The following RASL10B variants were observed in gnomAD, a reference collection of about 807,000 sequenced individuals.
The protein encoded by RASL10B is ras-like protein family member 10B.
A neutral mutation model predicts 20.7 loss-of-function variants in RASL10B; 10 were observed. The ratio of observed to expected loss-of-function variants is 0.48; its 90% confidence interval spans 0.30 to 0.82. The LOEUF is 0.82. Ranked by LOEUF, RASL10B falls within the 40% of genes least tolerant of loss-of-function variation. The pLI is 0.07. For synonymous variants in RASL10B, 110 were observed against 123.3 expected, an observed-to-expected ratio of 0.89 and a Z score of 0.72; for missense variants, 231 against 295.4, an observed-to-expected ratio of 0.78 and a Z score of 1.60.
At chr17:35,733,441 T>C (rs1189187499) in intron 1 of RASL10B, among the ~76,000 whole-genome samples, 1 of 152,234 alleles carries the variant, frequency 6.6e-6, no homozygotes, top group Non-Finnish European at 1.5e-5. Flanking sequence ...CATCCTGACC[T>C]GTATTTACTA....
intron 1 of RASL10B, among the ~76,000 whole-genome samples, chr17:35,734,736 G>A (rs2143019452): frequency 6.6e-6 from 1 of 152,284 alleles, no homozygotes; most frequent in Non-Finnish European, 1.5e-5. Flanking sequence ...CAGGCTCTGT[G>A]GGGAAGCTGG....
At position 35,735,176 on chromosome 17, in the gene RASL10B, G is replaced by T. The variant is rs587762604; in HGVS notation, c.-9G>T. ...GGCAAGGACGAGGTGGCGGAGTGGG[G>T]CGGGAGGCATGGTCTCCACCTACCG... On this transcript the variant is annotated 5_prime_UTR_variant, in exon 2 of 4. Transcript: ENST00000603017. The surrounding 1 kb of genome is among the most constrained non-coding windows in gnomAD (Gnocchi z 6.7). 48 of 1,605,552 alleles carry T rather than the reference G, an allele frequency of 3.0e-5. 3 individuals are homozygous for T. In the South Asian group the frequency reaches 4.3e-4, roughly 14 times the overall value.
At chr17:35,736,028 C>G (rs1488895968) in intron 2 of RASL10B, among the ~76,000 whole-genome samples, 2 of 152,140 alleles carry the variant, frequency 1.3e-5, no homozygotes, top group Non-Finnish European at 2.9e-5. Context: ...GGTCTCTTGC[C>G]CAAGGCCCTC....
chr17:35,733,505 G>A lies in RASL10B; in HGVS notation c.-147-1533G>A, dbSNP rs587750938. Among the ~76,000 whole-genome samples the A allele has an allele frequency of 3.3e-5, 5 of 152,318 alleles. No homozygotes were observed. The East Asian group carries it at 5.8e-4, about 18-fold the overall frequency. ...GAGTCCTCTGAACCAGGACAACCTG[G>A]GGGACATTCAGCTGTGGCTTGTGCA... On this transcript the variant is annotated intron_variant, in intron 1 of 3. Transcript: ENST00000603017.
intron 1 of RASL10B, among the ~76,000 whole-genome samples, chr17:35,732,116 AT>A (rs2085561928): frequency 6.6e-6 from 1 of 151,482 alleles, no homozygotes; most frequent in African/African-American, 2.4e-5. Flanking sequence ...GGGCTTCTAC[AT>A]CCCCCCAAAC....
chr17:35,734,343 C>T (rs1205415939), intron 1 of RASL10B, among the ~76,000 whole-genome samples: 4 of 152,194 alleles, frequency 2.6e-5, no homozygotes, highest in African/African-American at 9.7e-5. Context: ...CTTCTTACTC[C>T]TTCTAAGCTT....
intron 2 of RASL10B, chr17:35,736,950 C>G (rs186737571): frequency 6.6e-6 from 1 of 152,076 alleles, no homozygotes; most frequent in African/African-American, 2.4e-5. Flanking sequence ...GATGGGGTTT[C>G]ACCATGTTGG....
chr17:35,742,220 G>A lies in RASL10B; in HGVS notation c.*915G>A, dbSNP rs2085634120. 2.0e-5 allele frequency: 3 copies of A among 152,226 alleles called. No homozygotes were observed. Among genetic ancestry groups the A allele is most frequent in the Non-Finnish European group, 4.4e-5 (3 of 68,094 alleles). The allele number at this position is 152,226 out of a possible 1,614,324, so 9.4% of individuals were successfully genotyped here. On this transcript the variant is annotated 3_prime_UTR_variant, in exon 4 of 4. Coordinates refer to ENST00000603017, the MANE Select transcript of RASL10B (RefSeq NM_033315.4). ...CTGCAATCTGATCTGTCAGACTGGGGAATGTTGGGTTCTGGGGTCTGGTCG... is the reference window on the plus strand; with the variant it reads ...CTGCAATCTGATCTGTCAGACTGGGAAATGTTGGGTTCTGGGGTCTGGTCG...
chr17:35,741,312 C>T lies in RASL10B; in HGVS notation c.*7C>T. 6.8e-7 allele frequency: 1 copy of T among 1,466,228 alleles called. No individual in the cohort carries two copies. Among genetic ancestry groups the T allele is most frequent in the African/African-American group, 1.4e-5 (1 of 69,580 alleles). 90.8% of individuals were successfully genotyped at this position (1,466,228 alleles called of 1,614,324 possible). The stretch of plus-strand genomic sequence containing the variant: ...CCGCTGCGCCATCATGTGACGCCTG[C>T]GCGCCCCTCGGGCTGCACCGGCACT... On this transcript the variant is annotated 3_prime_UTR_variant, in exon 4 of 4. Coordinates refer to ENST00000603017, the MANE Select transcript of RASL10B (RefSeq NM_033315.4).
intron 3 of RASL10B, 83 bp from the exon 4 acceptor site, chr17:35,740,952 A>C (rs1026179250): frequency 8.3e-7 from 1 of 1,200,592 alleles, no homozygotes; most frequent in Non-Finnish European, 1.2e-6. Context: ...TGGTGGTAGT[A>C]TTGGCCAGGC....
At chr17:35,740,681 G>A (rs189941270) in intron 3 of RASL10B, 148 bp downstream of exon 3, 3 of 1,053,972 alleles carry the variant, frequency 2.8e-6, no homozygotes, top group Non-Finnish European at 4.1e-6. Flanking sequence ...CATACATTGT[G>A]CTGTTCCCAT....
rs1465225684 is a variant in RASL10B at position 35,741,305 on chromosome 17, A to G, written c.612A>G (p.Ter204TrpextTer33). The G allele has an allele frequency of 1.4e-6, 2 of 1,479,552 alleles. No homozygotes were observed. Among genetic ancestry groups the G allele is most frequent in the Non-Finnish European group, 1.8e-6 (2 of 1,111,996 alleles). 91.7% of individuals were successfully genotyped at this position (1,479,552 alleles called of 1,614,324 possible). The change falls in exon 4 of 4, where the codon TGA (stop) becomes TGG (tryptophan). Residue 204 changes from the stop codon to tryptophan (W), a stop_lost. Transcript: ENST00000603017. ...GCCGCAACCGCTGCGCCATCATGTG[A>G]CGCCTGCGCGCCCCTCGGGCTGCAC... The part of the protein sequence containing the change: ...ALRRNRCAIM[*>W]
In RASL10B at chr17:35,735,859, G is replaced by C. The variant is rs2085588569; in HGVS notation, c.216+459G>C. Among the ~76,000 whole-genome samples the C allele has an allele frequency of 6.6e-6, 1 of 152,200 alleles. No homozygotes were observed. Among genetic ancestry groups the C allele is most frequent in the African/African-American group, 2.4e-5 (1 of 41,446 alleles). ...AACTAAATAGGTTTTAGGCAGGTAAGAGTCAGTAGAGAAAAGGACAGGGAA... is the reference window on the plus strand; with the variant it reads ...AACTAAATAGGTTTTAGGCAGGTAACAGTCAGTAGAGAAAAGGACAGGGAA... On this transcript the variant is annotated intron_variant, in intron 2 of 3. Coordinates refer to ENST00000603017, the MANE Select transcript of RASL10B (RefSeq NM_033315.4). The surrounding 1 kb of genome is among the most constrained non-coding windows in gnomAD (Gnocchi z 6.7).
In RASL10B at chr17:35,741,019, C is replaced by T; in HGVS notation, c.342-16C>T. ...TGGGGCTGACAGAGTTCTGAGCTGC[C>T]TGCCTCGCCCCACAGGGTGATCGGA... On this transcript the variant is annotated splice_polypyrimidine_tract_variant and intron_variant, in intron 3 of 3. Coordinates refer to ENST00000603017, the MANE Select transcript of RASL10B (RefSeq NM_033315.4). The T allele has an allele frequency of 6.3e-7, 1 of 1,577,034 alleles. No homozygotes were observed. Among genetic ancestry groups the T allele is most frequent in the Non-Finnish European group, 8.7e-7 (1 of 1,156,044 alleles).
chr17:35,732,374 G>A (rs773973265), intron 1 of RASL10B, among the ~76,000 whole-genome samples: 2 of 152,228 alleles, frequency 1.3e-5, no homozygotes, highest in Non-Finnish European at 2.9e-5. Context: ...CTTGCCGGGC[G>A]CTGTCTGCAG....
chr17:35,736,622 C>T (rs2085593714), intron 2 of RASL10B, among the ~76,000 whole-genome samples: 1 of 152,234 alleles, frequency 6.6e-6, no homozygotes, highest in African/African-American at 2.4e-5. Flanking sequence ...TTAACAATCA[C>T]CTGATTGGAC....
At position 35,740,390 on chromosome 17, in the gene RASL10B, C is replaced by G; in HGVS notation, c.217-19C>G. 6.2e-7 allele frequency: 1 copy of G among 1,611,196 alleles called. No individual in the cohort carries two copies. The highest frequency in any genetic ancestry group is 8.5e-7 in the Non-Finnish European group (1 of 1,178,096). On this transcript the variant is annotated intron_variant, in intron 2 of 3. Coordinates refer to ENST00000603017, the MANE Select transcript of RASL10B (RefSeq NM_033315.4). The stretch of plus-strand genomic sequence containing the variant: ...CCTCATGGCTGCTCTGACCCTGGTA[C>G]TGGCTGGGGATATTGCAGGAGTGGG...
intron 2 of RASL10B, among the ~76,000 whole-genome samples, chr17:35,737,560 G>A (rs781921495): frequency 4.1e-5 from 6 of 147,900 alleles, no homozygotes; most frequent in Non-Finnish European, 7.5e-5. Context: ...TACCGGAAAG[G>A]GCATTGCTGG....
At chr17:35,734,787 G>A (rs1156526962) in intron 1 of RASL10B, among the ~76,000 whole-genome samples, 1 of 152,188 alleles carries the variant, frequency 6.6e-6, no homozygotes, top group Non-Finnish European at 1.5e-5. Context: ...CTGCTCTGCA[G>A]CCTGTTTTGG....
Sources: gnomAD v4.1 joint callset for allele counts (sites outside exome capture counted in the v4.1 genomes callset) on GRCh38, gnomAD v4.1.1 for gene constraint, Gnocchi (gnomAD v3.1) non-coding constraint, MANE v1.5 for transcripts, NCBI Gene and HGNC (gene_info 2026-07-23, HGNC 2026-07-21) for gene names.